Variants in SUPT3H observed in about 807,000 individuals in gnomAD.
SUPT3H encodes the protein transcription initiation protein SPT3 homolog.
In SUPT3H, 44 loss-of-function variants were observed where a neutral mutation model predicts 44.3. The ratio of observed to expected loss-of-function variants is 0.99; its 90% CI spans 0.78 to 1.28. SUPT3H has a LOEUF of 1.28. Ranked by LOEUF, SUPT3H falls within the 50% of genes most tolerant of loss-of-function variation. The pLI is 0.00. For synonymous variants in SUPT3H, 124 were observed against 125.6 expected, an observed-to-expected ratio of 0.99 and a Z score of 0.09; for missense variants, 380 against 387.1, an observed-to-expected ratio of 0.98 and a Z score of 0.15.
intron 3 of SUPT3H, among the ~76,000 whole-genome samples, chr6:45,101,614 T>C (rs1479568014): frequency 1.3e-5 from 2 of 152,326 alleles, no homozygotes; most frequent in East Asian, 1.9e-4. Flanking sequence ...AACAATTTAT[T>C]GTATATTTCC....
At chr6:44,895,701 A>G (rs1254403792) in intron 10 of SUPT3H, among the ~76,000 whole-genome samples, 1 of 152,100 alleles carries the variant, frequency 6.6e-6, no homozygotes, top group African/African-American at 2.4e-5. Context: ...ATGGGATTTT[A>G]CTTTTTATGC....
chr6:45,320,951 T>C (rs1785393814), intron 2 of SUPT3H, among the ~76,000 whole-genome samples: 1 of 152,052 alleles, frequency 6.6e-6, no homozygotes, highest in Non-Finnish European at 1.5e-5. Context: ...TAAATAAACT[T>C]TTTAAGGCTT....
At chr6:44,826,196 A>G (rs1026453657), downstream of SUPT3H, among the ~76,000 whole-genome samples, 1 of 152,220 alleles carries the variant, frequency 6.6e-6, no homozygotes, top group Non-Finnish European at 1.5e-5. Context: ...CAATTCCTGC[A>G]GGCAAAGTTT....
At chr6:45,098,904 C>A in intron 3 of SUPT3H, 1 of 535,014 alleles carries the variant, frequency 1.9e-6, no homozygotes. Flanking sequence ...GTAGACTCAA[C>A]ATAAAATGGG....
chr6:45,287,010 C>T (rs1299082402), intron 2 of SUPT3H, among the ~76,000 whole-genome samples: 1 of 152,088 alleles, frequency 6.6e-6, no homozygotes, highest in African/African-American at 2.4e-5. Flanking sequence ...CCAAACACCA[C>T]ATGTTCTCAC....
chr6:45,067,569 C>T (rs997422075), intron 3 of SUPT3H, among the ~76,000 whole-genome samples: 7 of 151,222 alleles, frequency 4.6e-5, no homozygotes, highest in Non-Finnish European at 1.0e-4. Context: ...ACTCATCTGA[C>T]AAAGGGCTAA....
At chr6:45,090,875 C>G (rs1423651892) in intron 3 of SUPT3H, among the ~76,000 whole-genome samples, 1 of 151,738 alleles carries the variant, frequency 6.6e-6, no homozygotes, top group African/African-American at 2.4e-5. Context: ...CTTGTATTAT[C>G]ATCAAATCTT....
chr6:45,023,161 GAA>G (rs373426308), intron 3 of SUPT3H, among the ~76,000 whole-genome samples: 1 of 145,250 alleles, frequency 6.9e-6, no homozygotes, highest in Non-Finnish European at 1.5e-5. Context: ...ACAAGCATTT[GAA>G]AAAAAAAGCT....
At chr6:45,006,209 A>G (rs1263620903) in intron 5 of SUPT3H, among the ~76,000 whole-genome samples, 1 of 151,934 alleles carries the variant, frequency 6.6e-6, no homozygotes, top group African/African-American at 2.4e-5. Flanking sequence ...ATTATTTATA[A>G]CCTTTCTTTA....
intron 2 of SUPT3H, among the ~76,000 whole-genome samples, chr6:45,280,079 A>C (rs1173341948): frequency 2.0e-5 from 3 of 152,192 alleles, no homozygotes; most frequent in Admixed American, 2.0e-4. Flanking sequence ...TATATCGAGA[A>C]TCTAATCATG....
intron 2 of SUPT3H, among the ~76,000 whole-genome samples, chr6:45,213,041 A>T (rs1363387180): frequency 6.6e-6 from 1 of 152,214 alleles, no homozygotes; most frequent in African/African-American, 2.4e-5. Context: ...CAAACAAATG[A>T]CACCAAGCTC....
At chr6:44,900,816 A>T (rs1458162194) in intron 10 of SUPT3H, among the ~76,000 whole-genome samples, 1 of 152,154 alleles carries the variant, frequency 6.6e-6, no homozygotes, top group South Asian at 2.1e-4. Flanking sequence ...TACTCCCCTG[A>T]GACAAAACTT....
intron 2 of SUPT3H, among the ~76,000 whole-genome samples, chr6:45,110,257 C>A (rs1424379873): frequency 2.0e-5 from 3 of 152,188 alleles, no homozygotes; most frequent in Admixed American, 6.5e-5. Flanking sequence ...ATCCGCTTGA[C>A]AGGTGCACAG....
At chr6:45,140,826 C>G (rs899303540) in intron 2 of SUPT3H, among the ~76,000 whole-genome samples, 1 of 152,132 alleles carries the variant, frequency 6.6e-6, no homozygotes, top group Middle Eastern at 3.2e-3. Flanking sequence ...GTCTGACTCT[C>G]AGGAAGCCCC....
chr6:44,896,206 T>C (rs982299530), intron 10 of SUPT3H, among the ~76,000 whole-genome samples: 2 of 152,126 alleles, frequency 1.3e-5, no homozygotes, highest in African/African-American at 4.8e-5. Flanking sequence ...TTTGATGGAA[T>C]TCATAAGCCT....
chr6:45,146,339 CA>C (rs766677970), intron 2 of SUPT3H, among the ~76,000 whole-genome samples: 1 of 151,792 alleles, frequency 6.6e-6, no homozygotes, highest in Non-Finnish European at 1.5e-5. Flanking sequence ...AATGGAAACC[CA>C]AATATCATAT....
At chr6:45,236,210 C>T (rs1167614975) in intron 2 of SUPT3H, among the ~76,000 whole-genome samples, 1 of 152,122 alleles carries the variant, frequency 6.6e-6, no homozygotes, top group Non-Finnish European at 1.5e-5. Flanking sequence ...GGGTTAGGGT[C>T]TCCACGACTG....
chr6:45,144,878 C>G (rs138629990), intron 2 of SUPT3H, among the ~76,000 whole-genome samples: 1 of 151,952 alleles, frequency 6.6e-6, no homozygotes, highest in Non-Finnish European at 1.5e-5. Flanking sequence ...ACACTAACAA[C>G]GACGAAGCTG....
At chr6:45,210,069 AT>A (rs1426248633) in intron 2 of SUPT3H, among the ~76,000 whole-genome samples, 6 of 152,198 alleles carry the variant, frequency 3.9e-5, no homozygotes, top group Non-Finnish European at 7.3e-5. Flanking sequence ...AAAATAAAGT[AT>A]TTTTGTAATT....
Sources: allele counts gnomAD v4.1 joint callset (sites outside exome capture counted in the v4.1 genomes callset), GRCh38; gene constraint gnomAD v4.1.1; transcripts MANE v1.5; gene names NCBI Gene and HGNC (gene_info 2026-07-23, HGNC 2026-07-21).